The following HELZ2 variants were observed in gnomAD, a reference collection of about 807,000 sequenced individuals.
HELZ2 encodes the protein 3'-5' exoribonuclease HELZ2.
HELZ2 carries 143 observed loss-of-function variants against 208.8 expected under a neutral mutation model. The ratio of observed to expected loss-of-function variants is 0.68; its 90% confidence interval spans 0.60 to 0.79. The LOEUF is 0.79. Ranked by LOEUF, HELZ2 falls within the 30% of genes least tolerant of loss-of-function variation. The pLI is 0.00. For synonymous variants in HELZ2, 1,705 were observed against 1,693.7 expected, an observed-to-expected ratio of 1.01 and a Z score of -0.16; for missense variants, 3,690 against 3,794.5, an observed-to-expected ratio of 0.97 and a Z score of 0.72.
At position 63,562,888 on chromosome 20, in the gene HELZ2, C is replaced by T. The variant is rs554819583; in HGVS notation, c.5934G>A (p.Thr1978=). Residue 1978 remains threonine, a synonymous_variant, in exon 8 of 19, where the codon ACG becomes ACA. Coordinates refer to ENST00000467148, the Ensembl canonical transcript of HELZ2. ...AGGCGCCCTGCAGCTGCCCCTGCGG[C>T]GTCCGTGACGCCTCCCAGGAGACAC... is the stretch of plus-strand genomic sequence containing the variant. 1.7e-5 allele frequency: 28 copies of T among 1,601,832 alleles called. No homozygotes were observed. In the East Asian group the frequency reaches 2.7e-4, roughly 15 times the overall value.
At chr20:63,567,368 T>C (rs1322182043) in exon 6 of HELZ2, 1 of 1,601,766 alleles carries the variant, frequency 6.2e-7, no homozygotes, top group Admixed American at 1.7e-5. Context: ...TCGATGAGAA[T>C]GTGGGAGAAG....
chr20:63,561,509 C>G (rs1445310683), intron 12 of HELZ2, 43 bp from the exon 14 acceptor site: 4 of 1,580,722 alleles, frequency 2.5e-6, no homozygotes, highest in Admixed American at 1.7e-5. Context: ...GCAGGGCCAT[C>G]ACGGGGGCAG....
chr20:63,563,594 A>C lies in HELZ2; in HGVS notation c.5228T>G (p.Phe1743Cys), dbSNP rs1303502452. ...GGAGCCCGCCTCCACGTCCACCACG[A>C]AGCCCAGCTTGTCCAGAGGCTGGGC... is the stretch of plus-strand genomic sequence containing the variant. The change falls in exon 8 of 19, where the codon TTC (phenylalanine) becomes TGC (cysteine). Residue 1743 changes from phenylalanine (F) to cysteine (C), a missense_variant. Phe to Cys is a radical substitution (Grantham distance 205). Around this residue, in one of 3 missense-constraint regions of HELZ2, gnomAD observed 2,564 missense variants for 2,580.5 expected, o/e 0.99. Coordinates refer to ENST00000467148, the Ensembl canonical transcript of HELZ2. 6 of 1,532,670 alleles carry C rather than the reference A, an allele frequency of 3.9e-6. No individual in the cohort carries two copies. The East Asian group carries it at 1.5e-4, about 37-fold the overall frequency. The allele number at this position is 1,532,670 out of a possible 1,614,324, so 94.9% of individuals were successfully genotyped here. A position where few individuals can be genotyped will look rare whatever the true frequency, so the allele number is the denominator to read the frequency against.
Position 63,566,980 on chromosome 20 carries a change from A to C in HELZ2, c.2378T>G (p.Met793Arg), listed in dbSNP as rs781174898. 5 of 1,611,636 alleles carry C rather than the reference A, an allele frequency of 3.1e-6. No homozygotes were observed. The Admixed American group carries it at 8.3e-5, about 27-fold the overall frequency. ...CAGATTCAGCCAGGACGCCATGGAC[A>C]TGTCCCGGTCTGGGCTGCCCGCCAC... The change falls in exon 6 of 19, where the codon ATG (methionine) becomes AGG (arginine). Residue 793 changes from methionine to arginine, a missense_variant. Met to Arg is a moderately conservative substitution (Grantham distance 91, BLOSUM62 -1). Coordinates refer to ENST00000467148, the Ensembl canonical transcript of HELZ2.
exon 14 of HELZ2, chr20:63,561,119 G>T: frequency 6.2e-7 from 1 of 1,612,894 alleles, no homozygotes; most frequent in Non-Finnish European, 8.5e-7. Flanking sequence ...GGGGATGAGG[G>T]TTTCAGGTTC....
Position 63,569,540 on chromosome 20 carries a change from AG to A in HELZ2, c.695del (p.Thr232MetfsTer83). On this transcript the variant is annotated frameshift_variant, in exon 4 of 19. Coordinates refer to ENST00000467148, the Ensembl canonical transcript of HELZ2. LOFTEE classifies it high-confidence loss of function. ...CACGCACTCCCACCTGGAAGTCGGC[AG>A]TGGAGCTGGGCACACGGAAGCGCTC... 1 of 1,606,952 alleles carries A rather than the reference AG, an allele frequency of 6.2e-7. No homozygotes were observed. The highest frequency in any genetic ancestry group is 8.5e-7 in the Non-Finnish European group (1 of 1,177,322).
Position 63,561,079 on chromosome 20 carries a change from A to T in HELZ2, c.7146+3T>A, listed in dbSNP as rs770973935. ...ATGCTGCCCACACCCCCCGCCGACC[A>T]ACCTTCTCGGCCTGTGGGAACTGCA... On this transcript the variant is annotated splice_donor_region_variant and intron_variant, in intron 14 of 18. Transcript: ENST00000467148. 3.7e-6 allele frequency: 6 copies of T among 1,608,918 alleles called. No homozygotes were observed. In the African/African-American group the frequency reaches 8.0e-5, roughly 21 times the overall value.
At chr20:63,562,751 G>A (rs774851318) in exon 8 of HELZ2, 1 of 1,603,134 alleles carries the variant, frequency 6.2e-7, no homozygotes, top group Non-Finnish European at 8.5e-7. Flanking sequence ...GCTGGGCCCA[G>A]GGCGTGGGCT....
Position 63,565,435 on chromosome 20 carries a change from GTAC to G in HELZ2, c.3384_3386del (p.Tyr1129del), listed in dbSNP as rs769437137. On this transcript the variant is annotated inframe_deletion, in exon 8 of 19. Coordinates refer to ENST00000467148, the Ensembl canonical transcript of HELZ2. ...TCTCTGGCACGAAAGAGCAGTGGCG[GTAC>G]CGCTCGGGCTCCGCGTGCAGCAGCT... is the stretch of plus-strand genomic sequence containing the variant. 8 of 1,610,256 alleles carry G rather than the reference GTAC, an allele frequency of 5.0e-6. No individual in the cohort carries two copies. In the Admixed American group the frequency reaches 1.3e-4, roughly 27 times the overall value.
chr20:63,569,571 C>T (rs1335466059), exon 4 of HELZ2: 70 of 1,594,070 alleles, frequency 4.4e-5, no homozygotes, highest in Admixed American at 2.3e-4. Flanking sequence ...GCGCTCACCC[C>T]GTGCGTAGAG....
chr20:63,564,526 G>C, exon 8 of HELZ2: 2 of 1,581,530 alleles, frequency 1.3e-6, no homozygotes, highest in Non-Finnish European at 1.7e-6. Flanking sequence ...CCTTCTCCAT[G>C]GTGAGGAACA....
intron 2 of HELZ2, 37 bp from the exon 4 acceptor site, chr20:63,570,648 C>CGG: frequency 6.8e-6 from 5 of 733,910 alleles, no homozygotes; most frequent in Non-Finnish European, 8.8e-6. Flanking sequence ...GAGGCCTGGA[C>CGG]CCCACCCCAC....
intron 3 of HELZ2, 114 bp downstream of exon 4, chr20:63,570,390 G>C: frequency 1.2e-6 from 1 of 835,574 alleles, no homozygotes; most frequent in South Asian, 1.4e-5. Context: ...CGCAGGTGCT[G>C]AGCGGCAGTG....
chr20:63,570,594 A>G (rs1367613851), exon 3 of HELZ2: 1 of 1,610,246 alleles, frequency 6.2e-7, no homozygotes, highest in South Asian at 1.1e-5. Flanking sequence ...CACGCACTCC[A>G]TCAAGGGTCT....
At chr20:63,563,177 G>T in exon 8 of HELZ2, 2 of 1,592,666 alleles carry the variant, frequency 1.3e-6, no homozygotes, top group East Asian at 2.3e-5. Flanking sequence ...CACCTGCAGG[G>T]TGTCCCCACT....
In HELZ2 at chr20:63,562,480, C is replaced by T. The variant is rs112471380; in HGVS notation, c.6302+40G>A. On this transcript the variant is annotated intron_variant, in intron 8 of 18. Coordinates refer to ENST00000467148, the Ensembl canonical transcript of HELZ2. ...CCTCCTGCAAGTGAGGGGCCCGGGG[C>T]GGTCCCCCAGCCCAGCCTCTGCTGG... The T allele has an allele frequency of 5.9e-4, 903 of 1,531,998 alleles. 7 individuals carry two copies. Among genetic ancestry groups the T allele is most frequent in the Middle Eastern group, 3.9e-3 (23 of 5,914 alleles). 94.9% of individuals were successfully genotyped at this position (1,531,998 alleles called of 1,614,324 possible). A position where few individuals can be genotyped will look rare whatever the true frequency, so the allele number is the denominator to read the frequency against.
At chr20:63,564,186 T>C in exon 8 of HELZ2, 4 of 1,611,538 alleles carry the variant, frequency 2.5e-6, no homozygotes, top group Non-Finnish European at 3.4e-6. Context: ...ACCGTCCGCG[T>C]GCACTCGCTG....
exon 8 of HELZ2, chr20:63,565,384 C>A (rs532452144): frequency 1.9e-6 from 3 of 1,609,344 alleles, no homozygotes; most frequent in Non-Finnish European, 2.5e-6. Context: ...CATCGTCCAG[C>A]GGGATGGCTG....
At chr20:63,572,428 C>A (rs755973290) in exon 1 of HELZ2, 2 of 1,455,068 alleles carry the variant, frequency 1.4e-6, no homozygotes, top group African/African-American at 2.8e-5. Flanking sequence ...ACTCCCCACG[C>A]CAGCACGGCT....
Sources: allele counts gnomAD v4.1 joint callset, GRCh38; gene constraint gnomAD v4.1.1; regional missense constraint gnomAD v4.1.1; transcripts MANE v1.5; gene names NCBI Gene and HGNC (gene_info 2026-07-23, HGNC 2026-07-21).